PDC: variants seen among roughly 807,000 people sequenced by gnomAD.
PDC encodes the protein phosducin, also known as 33 kDa phototransducing protein.
In PDC, 19 loss-of-function variants were observed where a neutral mutation model predicts 22.2. That is an observed-to-expected ratio of 0.86 (90% CI 0.60 to 1.26). PDC has a LOEUF of 1.26. PDC is among the 50% of genes most tolerant of loss of function. The pLI is 0.00. For synonymous variants in PDC, 97 were observed against 96.2 expected, an observed-to-expected ratio of 1.01 and a Z score of -0.05; for missense variants, 274 against 286.8, an observed-to-expected ratio of 0.96 and a Z score of 0.32.
Position 186,449,440 on chromosome 1 carries a change from T to C in PDC, c.20A>G (p.Gln7Arg). 1 of 1,606,600 alleles carries C rather than the reference T, an allele frequency of 6.2e-7. No individual in the cohort carries two copies. Among genetic ancestry groups the C allele is most frequent in the Non-Finnish European group, 8.5e-7 (1 of 1,174,398 alleles). Residue 7 changes from glutamine to arginine, a missense_variant, in exon 2 of 4, where the codon CAA (glutamine) becomes CGA (arginine). Transcript: ENST00000391997. ...TCCTTCAAAGTCTTCCTCCAAACTT[T>C]GGCTTTTGGCTTCTTCCATTTTAGG... MEEAKS[Q>R]SLEEDFEGQA...
At chr1:186,447,942 A>G (rs1235358406) in intron 2 of PDC, among the ~76,000 whole-genome samples, 1 of 152,038 alleles carries the variant, frequency 6.6e-6, no homozygotes, top group Non-Finnish European at 1.5e-5. Context: ...TCTGTTTCAT[A>G]CTATATCTTG....
chr1:186,455,864 C>T (rs1364362830), intron 1 of PDC, among the ~76,000 whole-genome samples: 2 of 129,900 alleles, frequency 1.5e-5, no homozygotes, highest in East Asian at 2.3e-4. Flanking sequence ...TCCAGCTACT[C>T]GGGAGGCTGA....
intron 1 of PDC, among the ~76,000 whole-genome samples, chr1:186,460,559 GTAT>G (rs1449480967): frequency 3.9e-5 from 6 of 152,230 alleles, no homozygotes; most frequent in Admixed American, 6.5e-5. Context: ...TCACAGGTAT[GTAT>G]GTTCAGGAAA....
At chr1:186,456,886 C>T (rs1662483357) in intron 1 of PDC, among the ~76,000 whole-genome samples, 1 of 152,196 alleles carries the variant, frequency 6.6e-6, no homozygotes, top group Admixed American at 6.5e-5. Context: ...CTACCTGGCA[C>T]ATACTATGCT....
Position 186,444,428 on chromosome 1 carries a change from T to C in PDC, c.292A>G (p.Met98Val). ...NCLRKYRRQC[M>V]QDMHQKLSFG... ...CTCAGCTTCTGGTGCATATCCTGCA[T>C]ACACTGTCTACGGTATTTACGAAGG... The change falls in exon 4 of 4, where the codon ATG (methionine) becomes GTG (valine). Residue 98 changes from methionine (M) to valine (V), a missense_variant. Met to Val is a conservative substitution (Grantham distance 21). Transcript: ENST00000391997. The C allele has an allele frequency of 3.1e-6, 5 of 1,613,270 alleles. No individual in the cohort carries two copies. The highest frequency in any genetic ancestry group is 1.7e-5 in the Admixed American group (1 of 60,026).
Position 186,453,553 on chromosome 1 carries a change from A to G in PDC, c.-24-4070T>C, listed in dbSNP as rs61524795. ...GGTAGATTTTCAAATAGTTGGGATT[A>G]TCTAATCACTGTATGATATAGACTG... On this transcript the variant is annotated intron_variant, in intron 1 of 3. Transcript: ENST00000391997. Among the ~76,000 whole-genome samples the G allele has an allele frequency of 1.4e-3, 207 of 152,322 alleles. 1 individual carries two copies. Among genetic ancestry groups the G allele is most frequent in the African/African-American group, 4.8e-3 (201 of 41,580 alleles).
intron 1 of PDC, among the ~76,000 whole-genome samples, chr1:186,452,233 C>A (rs1662368205): frequency 6.6e-6 from 1 of 152,082 alleles, no homozygotes; most frequent in Admixed American, 6.6e-5. Flanking sequence ...TAGCATCATA[C>A]AATTAATTTT....
chr1:186,448,916 A>C (rs1475028227), intron 2 of PDC, among the ~76,000 whole-genome samples: 1 of 152,050 alleles, frequency 6.6e-6, no homozygotes. Context: ...AAGAAAACAG[A>C]CTCTGGATGA....
chr1:186,457,991 A>G (rs1017970384), intron 1 of PDC, among the ~76,000 whole-genome samples: 10 of 152,230 alleles, frequency 6.6e-5, no homozygotes, highest in African/African-American at 2.4e-4. Flanking sequence ...TACCCTACTC[A>G]AATAGTTTTG....
At chr1:186,449,141 G>T (rs918327105) in intron 2 of PDC, among the ~76,000 whole-genome samples, 1 of 151,592 alleles carries the variant, frequency 6.6e-6, no homozygotes, top group Non-Finnish European at 1.5e-5. Context: ...TAGATAAGAG[G>T]TCTTGTGATA....
intron 1 of PDC, among the ~76,000 whole-genome samples, chr1:186,456,750 G>C (rs1191941175): frequency 6.6e-6 from 1 of 152,134 alleles, no homozygotes; most frequent in Non-Finnish European, 1.5e-5. Flanking sequence ...GCACTAAAAA[G>C]GCATTGTAAT....
intron 1 of PDC, among the ~76,000 whole-genome samples, chr1:186,452,415 T>A (rs1180295772): frequency 3.9e-5 from 6 of 152,130 alleles, no homozygotes; most frequent in Non-Finnish European, 7.4e-5. Flanking sequence ...TTTTTGTATT[T>A]TTAGTAGAGA....
intron 1 of PDC, among the ~76,000 whole-genome samples, chr1:186,459,479 T>C (rs999495354): frequency 1.3e-5 from 2 of 152,180 alleles, no homozygotes; most frequent in Non-Finnish European, 2.9e-5. Flanking sequence ...GAAAATAGAA[T>C]TTTAGAAATT....
intron 1 of PDC, among the ~76,000 whole-genome samples, chr1:186,454,465 G>A (rs972447109): frequency 4.0e-5 from 4 of 98,910 alleles, no homozygotes; most frequent in African/African-American, 1.4e-4. Context: ...GTGAGCCACC[G>A]CACCTGGCCT....
chr1:186,459,831 C>T (rs1662545493), intron 1 of PDC, among the ~76,000 whole-genome samples: 1 of 143,812 alleles, frequency 7.0e-6, no homozygotes, highest in South Asian at 2.2e-4. Context: ...AATAAAAATA[C>T]TCCATTGCAA....
intron 1 of PDC, chr1:186,451,784 A>G (rs1662358397): frequency 6.6e-6 from 1 of 152,178 alleles, no homozygotes; most frequent in African/African-American, 2.4e-5. Flanking sequence ...CTTAGGACAA[A>G]ATGTATTTGT....
chr1:186,449,545 T>C (rs902614532), intron 1 of PDC, 62 bp from the exon 2 acceptor site: 11 of 800,040 alleles, frequency 1.4e-5, no homozygotes, highest in African/African-American at 5.2e-5. Context: ...TACATATATA[T>C]AGAGATAAAT....
rs1212035219 is a variant in PDC at position 186,446,533 on chromosome 1, T to G, written c.106A>C (p.Ser36Arg). Residue 36 changes from serine (S) to arginine (R), a missense_variant, in exon 3 of 4, where the codon AGT (serine) becomes CGT (arginine). Coordinates refer to ENST00000391997, the MANE Select transcript of PDC (RefSeq NM_002597.5). ...GGTGGAATTGAATCACTGTCTTGAC[T>G]CTCTAATTTAAACTTTCTCCAATCA... ...INDWRKFKLE[S>R]QDSDSIPPSK... 1 of 1,595,358 alleles carries G rather than the reference T, an allele frequency of 6.3e-7. No homozygotes were observed. The highest frequency in any genetic ancestry group is 1.7e-5 in the Admixed American group (1 of 59,762).
chr1:186,446,373 A>G (rs1297741774), intron 3 of PDC, 53 bp downstream of exon 3: 3 of 1,315,870 alleles, frequency 2.3e-6, no homozygotes, highest in Non-Finnish European at 3.2e-6. Context: ...AGATTGATTT[A>G]GATTAGAAAA....
Sources: allele counts gnomAD v4.1 joint callset (sites outside exome capture counted in the v4.1 genomes callset), GRCh38; gene constraint gnomAD v4.1.1; transcripts MANE v1.5; gene names NCBI Gene and HGNC (gene_info 2026-07-23, HGNC 2026-07-21).